The following AHDC1 variants were observed in gnomAD, a reference collection of about 807,000 sequenced individuals.
The protein encoded by AHDC1 is transcription factor Gibbin.
Under a neutral mutation model 87.9 loss-of-function variants are expected in AHDC1, and 7 were observed. The ratio of observed to expected loss-of-function variants is 0.08; its 90% confidence interval spans 0.05 to 0.15. The LOEUF (loss-of-function observed/expected upper bound fraction) is 0.15. Among genes scored for constraint, AHDC1 ranks in the 10% least tolerant of loss-of-function variants. The pLI, the probability that AHDC1 is intolerant of heterozygous loss-of-function variation, is 1.00. For missense variants in AHDC1, 1,841 were observed against 2,253.2 expected (o/e 0.82, Z 3.70); for synonymous variants, 1,051 against 1,006.8 (o/e 1.04, Z -0.83).
At position 27,549,476 on chromosome 1, in the gene AHDC1, A is replaced by G. The variant is rs1343362340; in HGVS notation, c.2640T>C (p.Pro880=). ...TYAGPPTSAL[P]AQRGLATFPS... ...GGAAGGTGGCCAGGCCCCGCTGGGC[A>G]GGCAGGGCACTGGTGGGTGGCCCTG... Residue 880 remains proline, a synonymous_variant, in exon 8 of 9, where the codon CCT becomes CCC. Coordinates refer to ENST00000673934, the MANE Select transcript of AHDC1 (RefSeq NM_001371928.1). 1 of 1,613,086 alleles carries G rather than the reference A, an allele frequency of 6.2e-7. No individual in the cohort carries two copies. Among genetic ancestry groups the G allele is most frequent in the East Asian group, 2.2e-5 (1 of 44,878 alleles).
Position 27,550,581 on chromosome 1 carries a change from C to T in AHDC1, c.1535G>A (p.Arg512His), listed in dbSNP as rs1407150200. 21 of 1,613,668 alleles carry T rather than the reference C, an allele frequency of 1.3e-5. No individual in the cohort carries two copies. Among genetic ancestry groups the T allele is most frequent in the African/African-American group, 2.7e-5 (2 of 74,958 alleles). Residue 512 changes from arginine (R) to histidine (H), a missense_variant, in exon 8 of 9, where the codon CGC (arginine) becomes CAC (histidine). Around this residue, in one of 13 missense-constraint regions of AHDC1, gnomAD observed 18 missense variants for 18.0 expected, o/e 1.00. Transcript: ENST00000673934. ...LSVEGKELGL[R>H]VSAEPTPLLK... is the part of the protein sequence containing the mutation. Reference sequence around the variant, plus strand: ...CAGCGGGGTGGGCTCAGCCGACACGCGCAGGCCCAGCTCCTTGCCCTCCAC... The same window carrying T: ...CAGCGGGGTGGGCTCAGCCGACACGTGCAGGCCCAGCTCCTTGCCCTCCAC...
chr1:27,557,789 T>G (rs2019891082), intron 5 of AHDC1, among the ~76,000 whole-genome samples: 2 of 152,112 alleles, frequency 1.3e-5, no homozygotes, highest in South Asian at 4.2e-4. Context: ...ACACCCAGAA[T>G]CCTGCATATT....
At chr1:27,552,358 A>C in intron 7 of AHDC1, 169 bp from the exon 8 acceptor site, 1 of 534,406 alleles carries the variant, frequency 1.9e-6, no homozygotes, top group Non-Finnish European at 2.9e-6. Flanking sequence ...GCCTTTCTCA[A>C]ACCACCATGT....
In AHDC1 at chr1:27,547,254, G is replaced by T; in HGVS notation, c.*43+7C>A. ...TCTGCCCACTGCGCCCACATCCCCA[G>T]ACTCACCCAGGAACAAAACCTCGCG... On this transcript the variant is annotated splice_region_variant and intron_variant, in intron 8 of 8. Transcript: ENST00000673934. The surrounding 1 kb of genome is among the most constrained non-coding windows in gnomAD (Gnocchi z 4.9). 1 of 1,501,560 alleles carries T rather than the reference G, an allele frequency of 6.7e-7. No homozygotes were observed. The highest frequency in any genetic ancestry group is 8.9e-7 in the Non-Finnish European group (1 of 1,123,862). The allele number at this position is 1,501,560 out of a possible 1,614,324, so 93.0% of individuals were successfully genotyped here. A position where few individuals can be genotyped will look rare whatever the true frequency, so the allele number is the denominator to read the frequency against.
intron 3 of AHDC1, among the ~76,000 whole-genome samples, chr1:27,575,337 C>G (rs1415871145): frequency 6.6e-6 from 1 of 152,048 alleles, no homozygotes; most frequent in Non-Finnish European, 1.5e-5. Flanking sequence ...GTTGCCTGCA[C>G]CTGGCCCTTC....
intron 3 of AHDC1, among the ~76,000 whole-genome samples, chr1:27,591,288 T>G (rs981487845): frequency 1.3e-5 from 2 of 152,040 alleles, no homozygotes; most frequent in East Asian, 3.9e-4. Flanking sequence ...CAGGAGGAGG[T>G]AGCCTCCCCG....
At chr1:27,574,185 G>A (rs1396486680) in intron 3 of AHDC1, among the ~76,000 whole-genome samples, 1 of 152,208 alleles carries the variant, frequency 6.6e-6, no homozygotes, top group East Asian at 1.9e-4. Context: ...TGGGGAGCCA[G>A]CCTGGAGCTC....
intron 3 of AHDC1, among the ~76,000 whole-genome samples, chr1:27,591,773 C>CT (rs1156447388): frequency 6.6e-6 from 1 of 152,226 alleles, no homozygotes; most frequent in Non-Finnish European, 1.5e-5. Flanking sequence ...TGTGCCTTTT[C>CT]TCAGCCTCAG....
Position 27,550,749 on chromosome 1 carries a change from G to C in AHDC1, c.1367C>G (p.Ser456Cys). 2 of 1,580,322 alleles carry C rather than the reference G, an allele frequency of 1.3e-6. No individual in the cohort carries two copies. Among genetic ancestry groups the C allele is most frequent in the Non-Finnish European group, 1.7e-6 (2 of 1,163,804 alleles). The change falls in exon 8 of 9, where the codon TCC becomes TGC. Residue 456 changes from serine (S) to cysteine (C), a missense_variant. By Grantham distance (112) the Ser-to-Cys change is moderately radical (BLOSUM62 -1). Coordinates refer to ENST00000673934, the MANE Select transcript of AHDC1 (RefSeq NM_001371928.1). Reference protein sequence around the residue: ...VSVPELKPESSQTPVVSTRKG... With the variant: ...VSVPELKPESCQTPVVSTRKG... ...GCGGGTAGAGACCACTGGGGTCTGG[G>C]AAGATTCCGGCTTCAACTCTGGGAC... is the stretch of plus-strand genomic sequence containing the variant.
intron 3 of AHDC1, among the ~76,000 whole-genome samples, chr1:27,580,968 A>G (rs550868875): frequency 2.0e-5 from 3 of 151,988 alleles, no homozygotes; most frequent in African/African-American, 7.2e-5. Flanking sequence ...CCGAGTAGCT[A>G]GGATTACAGG....
chr1:27,564,226 G>A (rs1250325703), intron 3 of AHDC1, among the ~76,000 whole-genome samples: 2 of 152,210 alleles, frequency 1.3e-5, no homozygotes, highest in African/African-American at 4.8e-5. Flanking sequence ...TCCAGTCTGA[G>A]CTCCTCCAGG....
At position 27,549,368 on chromosome 1, in the gene AHDC1, G is replaced by A. The variant is rs373401870; in HGVS notation, c.2748C>T (p.Ser916=). The change falls in exon 8 of 9, where the codon TCC becomes TCT. Residue 916 remains serine (S), a synonymous_variant. Coordinates refer to ENST00000673934, the MANE Select transcript of AHDC1 (RefSeq NM_001371928.1). ...GTCCTGGTGGGAAGGTCTGGCGCGCGGACAGGACAGGCTGAAAGGAGGGGT... is the reference window on the plus strand; with the variant it reads ...GTCCTGGTGGGAAGGTCTGGCGCGCAGACAGGACAGGCTGAAAGGAGGGGT... ...GADPSFQPVL[S]ARQTFPPGRA... The A allele has an allele frequency of 2.9e-5, 47 of 1,612,902 alleles. No individual in the cohort carries two copies. In the East Asian group the frequency reaches 4.2e-4, roughly 15 times the overall value.
In AHDC1 at chr1:27,550,798, G is replaced by C; in HGVS notation, c.1318C>G (p.Leu440Val). The C allele has an allele frequency of 5.1e-6, 8 of 1,566,888 alleles. No individual in the cohort carries two copies. Among genetic ancestry groups the C allele is most frequent in the Non-Finnish European group, 6.9e-6 (8 of 1,156,856 alleles). Reference protein sequence around the residue: ...PPPPPPPPPALPGPGPVSVPE... With the variant: ...PPPPPPPPPAVPGPGPVSVPE... Reference sequence around the variant, plus strand: ...ACTGAGACCGGGCCTGGGCCTGGCAGGGCAGGGGGTGGAGGAGGCGGTGGT... The same window carrying C: ...ACTGAGACCGGGCCTGGGCCTGGCACGGCAGGGGGTGGAGGAGGCGGTGGT... The change falls in exon 8 of 9, where the codon CTG (leucine) becomes GTG (valine). Residue 440 changes from leucine to valine, a missense_variant. Leu to Val is a conservative substitution (Grantham distance 32). Around this residue, in one of 13 missense-constraint regions of AHDC1, gnomAD observed 370 missense variants for 391.5 expected, o/e 0.95. Transcript: ENST00000673934.
rs1368326851 is a variant in AHDC1 at position 27,549,694 on chromosome 1, T to C, written c.2422A>G (p.Ser808Gly). 6 of 1,612,790 alleles carry C rather than the reference T, an allele frequency of 3.7e-6. No individual in the cohort carries two copies. In the South Asian group the frequency reaches 4.4e-5, roughly 12 times the overall value. The stretch of plus-strand genomic sequence containing the variant: ...TAGCTGCCACGGCCTGAGGCTCCAC[T>C]CTCCAGCCCAGTGGAGGCAAAGGCC... ...ARAFASTGLE[S>G]GASGRGSYYS... is the part of the protein sequence containing the mutation. Residue 808 changes from serine (S) to glycine (G), a missense_variant, in exon 8 of 9, where the codon AGT (serine) becomes GGT (glycine). By Grantham distance (56) the Ser-to-Gly change is moderately conservative. Around this residue, in one of 13 missense-constraint regions of AHDC1, gnomAD observed 236 missense variants for 257.9 expected, o/e 0.92. Coordinates refer to ENST00000673934, the MANE Select transcript of AHDC1 (RefSeq NM_001371928.1).
intron 8 of AHDC1, among the ~76,000 whole-genome samples, chr1:27,543,070 C>A (rs2019000717): frequency 6.6e-6 from 1 of 152,240 alleles, no homozygotes; most frequent in Admixed American, 6.5e-5. Flanking sequence ...CAGGCCCGGG[C>A]ATGCCTGCTG....
intron 8 of AHDC1, among the ~76,000 whole-genome samples, chr1:27,537,250 C>T (rs955128586): frequency 2.0e-5 from 3 of 152,166 alleles, no homozygotes; most frequent in Admixed American, 6.5e-5. Flanking sequence ...CCAGGCAGCC[C>T]AGTGCTAGGC....
chr1:27,538,364 C>T (rs1450971382), intron 8 of AHDC1, among the ~76,000 whole-genome samples: 3 of 144,116 alleles, frequency 2.1e-5, no homozygotes, highest in Non-Finnish European at 4.5e-5. Flanking sequence ...GATCGTGCCA[C>T]TCCACTCCAG....
At chr1:27,585,704 AG>A (rs1185461976) in intron 3 of AHDC1, among the ~76,000 whole-genome samples, 3 of 152,036 alleles carry the variant, frequency 2.0e-5, no homozygotes, top group African/African-American at 7.2e-5. Context: ...CATCCTCCAG[AG>A]GCAGAGGACC....
chr1:27,602,677 A>G (rs2089563955), intron 3 of AHDC1, among the ~76,000 whole-genome samples: 1 of 152,160 alleles, frequency 6.6e-6, no homozygotes, highest in African/African-American at 2.4e-5. Flanking sequence ...GGCCGATTCA[A>G]TCAGAGCCCC....
Sources: gnomAD v4.1 joint callset for allele counts (sites outside exome capture counted in the v4.1 genomes callset) on GRCh38, gnomAD v4.1.1 for gene constraint, gnomAD v4.1.1 regional missense constraint, Gnocchi (gnomAD v3.1) non-coding constraint, MANE v1.5 for transcripts, NCBI Gene and HGNC (gene_info 2026-07-23, HGNC 2026-07-21) for gene names.